NUDCD1: variants seen among roughly 807,000 people sequenced by gnomAD.
The protein encoded by NUDCD1 is NudC domain containing 1.
Under a neutral mutation model 67.8 loss-of-function variants are expected in NUDCD1, and 60 were observed. The ratio of observed to expected loss-of-function variants is 0.88; its 90% confidence interval spans 0.72 to 1.10. The LOEUF is 1.10. Ranked by LOEUF, NUDCD1 falls within the 50% of genes least tolerant of loss-of-function variation. NUDCD1 has a pLI of 0.00. For missense variants in NUDCD1, 643 were observed against 695.0 expected, an observed-to-expected ratio of 0.93 and a Z score of 0.84; for synonymous variants, 244 against 230.8, an observed-to-expected ratio of 1.06 and a Z score of -0.52.
intron 8 of NUDCD1, among the ~76,000 whole-genome samples, chr8:109,260,348 C>A (rs1271629191): frequency 6.6e-6 from 1 of 152,154 alleles, no homozygotes; most frequent in Non-Finnish European, 1.5e-5. Context: ...GTGTGCACCA[C>A]CACACCTGGC....
Position 109,243,303 on chromosome 8 carries a change from T to C in NUDCD1, c.1460-2A>G. On this transcript the variant is annotated splice_acceptor_variant, in intron 9 of 9. Coordinates refer to ENST00000239690, the MANE Select transcript of NUDCD1 (RefSeq NM_032869.4). LOFTEE classifies it high-confidence loss of function. ...CTCTCTTTGATGCTTGGACATAGCCTGCCAAGAATATGAGACAAACAAAAG... is the reference window on the plus strand; with the variant it reads ...CTCTCTTTGATGCTTGGACATAGCCCGCCAAGAATATGAGACAAACAAAAG... 1 of 1,566,528 alleles carries C rather than the reference T, an allele frequency of 6.4e-7. No homozygotes were observed. The highest frequency in any genetic ancestry group is 8.7e-7 in the Non-Finnish European group (1 of 1,151,622).
At chr8:109,250,452 T>A (rs958543077) in intron 8 of NUDCD1, among the ~76,000 whole-genome samples, 1 of 152,156 alleles carries the variant, frequency 6.6e-6, no homozygotes, top group Non-Finnish European at 1.5e-5. Flanking sequence ...GGTATTAGAA[T>A]CTCTTGATAG....
chr8:109,245,271 G>A, intron 9 of NUDCD1, 51 bp downstream of exon 9: 6 of 1,512,120 alleles, frequency 4.0e-6, no homozygotes, highest in Non-Finnish European at 5.4e-6. Context: ...TTAAATGAAT[G>A]ATGACTGTAT....
chr8:109,302,223 A>T (rs1815006238), intron 2 of NUDCD1, among the ~76,000 whole-genome samples: 2 of 152,240 alleles, frequency 1.3e-5, no homozygotes, highest in South Asian at 4.1e-4. Context: ...GATTCTAAAT[A>T]GCCAGAAAAC....
intron 2 of NUDCD1, among the ~76,000 whole-genome samples, chr8:109,301,034 T>G (rs1814975595): frequency 1.3e-5 from 2 of 152,120 alleles, no homozygotes; most frequent in South Asian, 4.1e-4. Context: ...ACAGTCTTCT[T>G]CAGACAAACA....
intron 9 of NUDCD1, among the ~76,000 whole-genome samples, chr8:109,243,971 T>C (rs775778097): frequency 7.2e-5 from 11 of 152,154 alleles, no homozygotes; most frequent in Non-Finnish European, 1.2e-4. Flanking sequence ...TTCATGTACA[T>C]GTTTAAAAAG....
chr8:109,277,540 C>A (rs1814321185), intron 6 of NUDCD1, among the ~76,000 whole-genome samples: 2 of 151,602 alleles, frequency 1.3e-5, no homozygotes, highest in Non-Finnish European at 2.9e-5. Context: ...AGTGAGACAA[C>A]AGTAACTTTT....
intron 8 of NUDCD1, among the ~76,000 whole-genome samples, chr8:109,262,924 G>A (rs1392072128): frequency 2.6e-5 from 4 of 151,296 alleles, no homozygotes; most frequent in Non-Finnish European, 5.9e-5. Flanking sequence ...GTCTAATGGC[G>A]GGCACCTGTA....
At chr8:109,273,705 G>A (rs1814212856) in intron 7 of NUDCD1, among the ~76,000 whole-genome samples, 2 of 151,872 alleles carry the variant, frequency 1.3e-5, no homozygotes, top group Non-Finnish European at 2.9e-5. Flanking sequence ...CAAACTCAAG[G>A]TCCAGATTGT....
intron 2 of NUDCD1, among the ~76,000 whole-genome samples, chr8:109,318,713 C>G (rs1461418514): frequency 6.6e-6 from 1 of 152,158 alleles, no homozygotes; most frequent in Non-Finnish European, 1.5e-5. Flanking sequence ...ATGTCTAACT[C>G]CTTTCTGAAC....
At chr8:109,243,718 A>C (rs1038487756) in intron 9 of NUDCD1, among the ~76,000 whole-genome samples, 1 of 152,192 alleles carries the variant, frequency 6.6e-6, no homozygotes, top group Non-Finnish European at 1.5e-5. Context: ...ATAAATTGGA[A>C]AATGTGTATA....
rs1048828129 is a variant in NUDCD1, at chr8:109,271,045, A to G, written c.1259T>C (p.Leu420Ser). Reference protein sequence around the residue: ...CDIFFEESSSLCRFDGNTLKT... With the variant: ...CDIFFEESSSSCRFDGNTLKT... ...TAATGTATTGCCATCAAATCTGCAT[A>G]AACTGGAGCTCTCTTCAAAGAAAAT... is the stretch of plus-strand genomic sequence containing the variant. The change falls in exon 8 of 10, where the codon TTA (leucine) becomes TCA (serine). Residue 420 changes from leucine (L) to serine (S), a missense_variant. Leu to Ser is a moderately radical substitution (Grantham distance 145). Transcript: ENST00000239690. 9 of 1,596,944 alleles carry G rather than the reference A, an allele frequency of 5.6e-6. No homozygotes were observed. The Admixed American group carries it at 1.0e-4, about 18-fold the overall frequency.
At position 109,311,272 on chromosome 8, in the gene NUDCD1, T is replaced by C. The variant is rs577042328; in HGVS notation, c.273+11037A>G. ...CCATAATCTAAACATCAAAAAATAG[T>C]AGATGTTGGCGTGGATGCTGTGAAC... On this transcript the variant is annotated intron_variant, in intron 2 of 9. Coordinates refer to ENST00000239690, the MANE Select transcript of NUDCD1 (RefSeq NM_032869.4). Among the ~76,000 whole-genome samples, 6 of 152,200 alleles carry C rather than the reference T, an allele frequency of 3.9e-5. No homozygotes were observed. The East Asian group carries it at 7.7e-4, about 20-fold the overall frequency.
At position 109,244,456 on chromosome 8, in the gene NUDCD1, C is replaced by A. The variant is rs543221158; in HGVS notation, c.1459+866G>T. ...AAAAAATAGCATTATAGTAGGGAGG[C>A]TAAAAATTATATGGTTAAATTAGTT... is the stretch of plus-strand genomic sequence containing the variant. On this transcript the variant is annotated intron_variant, in intron 9 of 9. Coordinates refer to ENST00000239690, the MANE Select transcript of NUDCD1 (RefSeq NM_032869.4). Among the ~76,000 whole-genome samples, 3 of 152,082 alleles carry A rather than the reference C, an allele frequency of 2.0e-5. No individual in the cohort carries two copies. The South Asian group carries it at 6.2e-4, about 32-fold the overall frequency.
chr8:109,246,939 C>T (rs1312120229), intron 8 of NUDCD1, among the ~76,000 whole-genome samples: 2 of 152,116 alleles, frequency 1.3e-5, no homozygotes, highest in Non-Finnish European at 2.9e-5. Context: ...GGCTATTGGT[C>T]ACAGGAGAAT....
At chr8:109,307,967 T>A (rs559603628) in intron 2 of NUDCD1, among the ~76,000 whole-genome samples, 9 of 152,048 alleles carry the variant, frequency 5.9e-5, no homozygotes, top group Non-Finnish European at 1.0e-4. Flanking sequence ...GCTCCAAAAT[T>A]TATAAAACAA....
At chr8:109,319,544 A>C (rs1815482720) in intron 2 of NUDCD1, among the ~76,000 whole-genome samples, 1 of 152,224 alleles carries the variant, frequency 6.6e-6, no homozygotes, top group Admixed American at 6.5e-5. Flanking sequence ...GCTAGATGAC[A>C]AAATGGTTAC....
chr8:109,333,815 G>GAA, intron 1 of NUDCD1, 78 bp downstream of exon 1: 1 of 1,475,974 alleles, frequency 6.8e-7, no homozygotes, highest in South Asian at 1.2e-5. Context: ...CAGAAAGAAA[G>GAA]AAATTGCGGG....
intron 2 of NUDCD1, among the ~76,000 whole-genome samples, chr8:109,305,798 G>A (rs555645278): frequency 6.6e-5 from 10 of 152,146 alleles, no homozygotes; most frequent in Admixed American, 2.6e-4. Context: ...ACGGCTGTTC[G>A]TCTGCAGGAC....
Sources: allele counts gnomAD v4.1 joint callset (sites outside exome capture counted in the v4.1 genomes callset), GRCh38; gene constraint gnomAD v4.1.1; transcripts MANE v1.5; gene names NCBI Gene and HGNC (gene_info 2026-07-23, HGNC 2026-07-21).